Variants in C12orf42 observed in about 807,000 individuals in gnomAD.
The protein encoded by C12orf42 is chromosome 12 open reading frame 42, also known as uncharacterized protein C12orf42.
In C12orf42, 25 loss-of-function variants were observed where a neutral mutation model predicts 21.6. The observed-to-expected ratio is 1.16, with a 90% CI of 0.84 to 1.62. The LOEUF is 1.62. C12orf42 is among the 40% of genes most tolerant of loss of function. C12orf42 has a pLI of 0.00. For synonymous variants in C12orf42, 174 were observed against 175.0 expected, an observed-to-expected ratio of 0.99 and a Z score of 0.05; for missense variants, 483 against 459.3, an observed-to-expected ratio of 1.05 and a Z score of -0.47.
chr12:103,357,734 A>G (rs183053847), intron 4 of C12orf42, among the ~76,000 whole-genome samples: 46 of 152,210 alleles, frequency 3.0e-4, no homozygotes, highest in Admixed American at 2.7e-3. Context: ...CAGTTCAGCC[A>G]GGTGCTATAT....
intron 3 of C12orf42, among the ~76,000 whole-genome samples, chr12:103,373,940 T>C (rs892033905): frequency 7.2e-5 from 11 of 152,210 alleles, no homozygotes; most frequent in Admixed American, 2.6e-4. Context: ...CAATTTGATA[T>C]GGTATCATCA....
the C12orf42 span, among the ~76,000 whole-genome samples, chr12:103,128,749 TC>T: frequency 2.6e-5 from 4 of 152,322 alleles, no homozygotes; most frequent in East Asian, 7.7e-4. Context: ...TGTCATTATT[TC>T]CATTATTCTG....
intron 1 of C12orf42, among the ~76,000 whole-genome samples, chr12:103,481,617 G>A (rs962196325): frequency 4.7e-5 from 7 of 150,238 alleles, no homozygotes; most frequent in African/African-American, 1.7e-4. Flanking sequence ...CTTATGGTTT[G>A]GGGTGTGTTT....
the C12orf42 span, among the ~76,000 whole-genome samples, chr12:103,143,701 T>C: frequency 1.3e-5 from 2 of 152,214 alleles, no homozygotes; most frequent in African/African-American, 4.8e-5. Context: ...CTTTCTCTAA[T>C]AGGAGAACAA....
chr12:103,227,009 T>C, the C12orf42 span, among the ~76,000 whole-genome samples: 4 of 152,210 alleles, frequency 2.6e-5, no homozygotes, highest in African/African-American at 9.7e-5. Context: ...TATTTGGAAC[T>C]ACTGTCGAGT....
Position 103,244,427 on chromosome 12 carries a change from C to T in C12orf42, c.*1367-6525G>A, listed in dbSNP as rs190267838. 2.0e-5 allele frequency among the ~76,000 whole-genome samples: 3 copies of T among 152,090 alleles called. No individual in the cohort carries two copies. The South Asian group carries it at 6.2e-4, about 32-fold the overall frequency. ...GACATAGGCAGTGATGGTACTCACT[C>T]TAAGTACTCCATGTACTAGAGGAAT... On this transcript the variant is annotated intron_variant and NMD_transcript_variant, in intron 10 of 10. Coordinates refer to the C12orf42 transcript ENST00000547347.
chr12:103,528,445 G>A, the C12orf42 span, among the ~76,000 whole-genome samples: 1 of 152,190 alleles, frequency 6.6e-6, no homozygotes, highest in Non-Finnish European at 1.5e-5. Flanking sequence ...TGTTGGAGGT[G>A]GGGCCTATTG....
At chr12:103,201,334 G>A in the C12orf42 span, among the ~76,000 whole-genome samples, 1 of 152,136 alleles carries the variant, frequency 6.6e-6, no homozygotes, top group Non-Finnish European at 1.5e-5. Context: ...TTTGGTGCAA[G>A]TTTGGCTTTG....
chr12:103,393,195 G>A (rs2047220741), intron 3 of C12orf42, among the ~76,000 whole-genome samples: 1 of 152,186 alleles, frequency 6.6e-6, no homozygotes, highest in South Asian at 2.1e-4. Context: ...ACAGGGATCT[G>A]CAGGCTGTAC....
intron 2 of C12orf42, among the ~76,000 whole-genome samples, chr12:103,405,595 G>C (rs183487456): frequency 1.3e-5 from 2 of 152,258 alleles, no homozygotes; most frequent in East Asian, 3.9e-4. Flanking sequence ...AGGCACTCGA[G>C]GGTTAGTAAC....
chr12:103,087,706 A>C, the C12orf42 span, among the ~76,000 whole-genome samples: 1,209 of 152,348 alleles, frequency 7.9e-3, 15 homozygotes, highest in African/African-American at 0.027. Context: ...ACTTATTTTT[A>C]TGACCATTTT....
At chr12:103,484,111 G>A (rs781647600) in intron 1 of C12orf42, among the ~76,000 whole-genome samples, 50 of 152,052 alleles carry the variant, frequency 3.3e-4, no homozygotes, top group East Asian at 3.8e-4. Flanking sequence ...GAATAGTGCC[G>A]CAATAATCAT....
At chr12:103,277,433 T>A (rs1360145061) in intron 4 of C12orf42, among the ~76,000 whole-genome samples, 6 of 152,164 alleles carry the variant, frequency 3.9e-5, no homozygotes. Flanking sequence ...ATGGTTCATT[T>A]AGCTTCTGGA....
chr12:103,519,186 T>A, the C12orf42 span, among the ~76,000 whole-genome samples: 2 of 152,204 alleles, frequency 1.3e-5, no homozygotes, highest in African/African-American at 2.4e-5. Context: ...TCTGCCATGA[T>A]TGCAAGTTTC....
At chr12:103,289,601 G>A (rs2036670298) in intron 4 of C12orf42, among the ~76,000 whole-genome samples, 1 of 152,020 alleles carries the variant, frequency 6.6e-6, no homozygotes, top group East Asian at 1.9e-4. Flanking sequence ...ATAGCAAATT[G>A]GCTAATTAAA....
chr12:103,293,112 T>C (rs1355075730), intron 4 of C12orf42, among the ~76,000 whole-genome samples: 1 of 152,108 alleles, frequency 6.6e-6, no homozygotes, highest in Admixed American at 6.6e-5. Flanking sequence ...CTTTTTTGAC[T>C]ATCAATTTCC....
intron 4 of C12orf42, among the ~76,000 whole-genome samples, chr12:103,314,722 C>T (rs140841500): frequency 6.6e-6 from 1 of 152,252 alleles, no homozygotes; most frequent in Non-Finnish European, 1.5e-5. Flanking sequence ...ATATTAGGGT[C>T]TTGTTCTAGC....
the C12orf42 span, among the ~76,000 whole-genome samples, chr12:103,136,054 C>A: frequency 6.6e-6 from 1 of 152,108 alleles, no homozygotes; most frequent in African/African-American, 2.4e-5. Context: ...CCAGAGCAAT[C>A]AGTCAAGAGG....
chr12:103,134,481 A>G, the C12orf42 span, among the ~76,000 whole-genome samples: 1 of 152,060 alleles, frequency 6.6e-6, no homozygotes, highest in African/African-American at 2.4e-5. Flanking sequence ...AAATACATGT[A>G]AAATCTTCAA....
Sources: allele counts gnomAD v4.1 joint callset (sites outside exome capture counted in the v4.1 genomes callset), GRCh38; gene constraint gnomAD v4.1.1; transcripts MANE v1.5; gene names NCBI Gene and HGNC (gene_info 2026-07-23, HGNC 2026-07-21).